ANK2: variants seen among roughly 807,000 people sequenced by gnomAD.
The protein encoded by ANK2 is ankyrin-2.
In ANK2, 83 loss-of-function variants were observed where a neutral mutation model predicts 360.5. The observed-to-expected ratio is 0.23, with a 90% confidence interval of 0.19 to 0.28. The LOEUF is 0.28. Ranked by LOEUF, ANK2 falls within the 10% of genes least tolerant of loss-of-function variation. The pLI is 1.00. For missense variants in ANK2, 4,201 were observed against 4,795.7 expected (o/e 0.88, Z 3.66); for synonymous variants, 1,740 against 1,759.5 (o/e 0.99, Z 0.28).
intron 24 of ANK2, among the ~76,000 whole-genome samples, chr4:113,315,794 G>A (rs1463842591): frequency 6.6e-6 from 1 of 151,576 alleles, no homozygotes; most frequent in Non-Finnish European, 1.5e-5. Context: ...AGCTACTCGG[G>A]AGGCTGAGGC....
At chr4:112,806,503 G>A in the ANK2 span, among the ~76,000 whole-genome samples, 1 of 152,156 alleles carries the variant, frequency 6.6e-6, no homozygotes, top group Non-Finnish European at 1.5e-5. Flanking sequence ...GAACAGTGCT[G>A]TAATAAACAT....
the ANK2 span, chr4:112,798,477 G>C: frequency 6.6e-6 from 1 of 152,056 alleles, no homozygotes; most frequent in African/African-American, 2.4e-5. Context: ...GTAGAGATGG[G>C]GTTTCTCCAT....
intron 1 of ANK2, among the ~76,000 whole-genome samples, chr4:113,120,783 C>G (rs1184018672): frequency 6.6e-6 from 1 of 151,988 alleles, no homozygotes. Flanking sequence ...CCAATAAGCC[C>G]CAGTGTGTTG....
At chr4:112,994,814 A>G (rs1042947549) in intron 2 of ANK2, among the ~76,000 whole-genome samples, 1 of 151,994 alleles carries the variant, frequency 6.6e-6, no homozygotes, top group Admixed American at 6.6e-5. Flanking sequence ...GTCCATGTGT[A>G]CCCAGTGTTT....
chr4:112,778,940 C>T, the ANK2 span, among the ~76,000 whole-genome samples: 1 of 152,204 alleles, frequency 6.6e-6, no homozygotes, highest in African/African-American at 2.4e-5. Flanking sequence ...GCTTAAACTA[C>T]CTATTCTTCA....
upstream of ANK2, among the ~76,000 whole-genome samples, chr4:112,816,919 G>T (rs1336957529): frequency 6.6e-6 from 1 of 152,192 alleles, no homozygotes; most frequent in Non-Finnish European, 1.5e-5. Context: ...GCTGAGGCAG[G>T]AGAATCACTT....
At chr4:112,758,970 G>A in the ANK2 span, among the ~76,000 whole-genome samples, 1 of 151,944 alleles carries the variant, frequency 6.6e-6, no homozygotes, top group African/African-American at 2.4e-5. Context: ...AAACCTTTTA[G>A]GACCTTTATA....
At chr4:113,259,025 G>GT (rs2051096190) in intron 13 of ANK2, among the ~76,000 whole-genome samples, 1 of 152,198 alleles carries the variant, frequency 6.6e-6, no homozygotes, top group Admixed American at 6.5e-5. Context: ...TGGAATGAAT[G>GT]TTGGTCTCCA....
intron 2 of ANK2, chr4:113,031,541 G>T (rs1475582049): frequency 6.6e-6 from 1 of 151,928 alleles, no homozygotes; most frequent in African/African-American, 2.4e-5. Context: ...TTAAAGTAAA[G>T]ATATTATTTC....
intron 2 of ANK2, among the ~76,000 whole-genome samples, chr4:113,015,677 G>A (rs966226048): frequency 2.0e-5 from 3 of 152,100 alleles, no homozygotes; most frequent in African/African-American, 7.2e-5. Flanking sequence ...TGTTACATAT[G>A]GTGCCATTTC....
At chr4:113,003,381 T>C (rs892599399) in intron 2 of ANK2, among the ~76,000 whole-genome samples, 1 of 151,912 alleles carries the variant, frequency 6.6e-6, no homozygotes, top group African/African-American at 2.4e-5. Context: ...TATAGATTTC[T>C]TTTTTTTGAA....
At chr4:113,154,561 A>C (rs1413705746) in intron 1 of ANK2, among the ~76,000 whole-genome samples, 1 of 152,224 alleles carries the variant, frequency 6.6e-6, no homozygotes, top group East Asian at 1.9e-4. Context: ...CCTCACTAAA[A>C]GTTCTTAATA....
intron 2 of ANK2, among the ~76,000 whole-genome samples, chr4:112,928,018 G>A (rs1168423681): frequency 6.6e-6 from 1 of 152,010 alleles, no homozygotes; most frequent in African/African-American, 2.4e-5. Context: ...CTAACATTCC[G>A]ATAGGTTCAT....
chr4:113,046,002 T>A (rs1228830538), upstream of ANK2, among the ~76,000 whole-genome samples: 1 of 152,180 alleles, frequency 6.6e-6, no homozygotes, highest in Non-Finnish European at 1.5e-5. Flanking sequence ...AAGATAGATA[T>A]TAATCCTGCC....
intron 1 of ANK2, among the ~76,000 whole-genome samples, chr4:112,877,490 C>T (rs928216938): frequency 2.0e-5 from 3 of 152,198 alleles, no homozygotes; most frequent in Non-Finnish European, 2.9e-5. Context: ...GCTGGGATTA[C>T]AGGCATGAGA....
intron 2 of ANK2, among the ~76,000 whole-genome samples, chr4:112,928,682 CAT>C (rs764376651): frequency 5.3e-5 from 8 of 152,168 alleles, no homozygotes; most frequent in Admixed American, 2.6e-4. Context: ...AAGACACACA[CAT>C]GTGTGTAAGA....
chr4:113,346,925 A>G (rs574736574), intron 35 of ANK2, among the ~76,000 whole-genome samples: 59 of 152,236 alleles, frequency 3.9e-4, no homozygotes, highest in Admixed American at 2.6e-4. Flanking sequence ...ATTCTTTTAA[A>G]TTTTTTTAAC....
intron 1 of ANK2, among the ~76,000 whole-genome samples, chr4:113,172,806 CAT>C (rs1181677824): frequency 6.6e-6 from 1 of 152,146 alleles, no homozygotes; most frequent in Non-Finnish European, 1.5e-5. Context: ...ATTAATATAA[CAT>C]AATACACAGT....
At chr4:113,023,449 C>G (rs1477671860) in intron 2 of ANK2, among the ~76,000 whole-genome samples, 2 of 152,168 alleles carry the variant, frequency 1.3e-5, no homozygotes, top group Non-Finnish European at 2.9e-5. Context: ...ACCCTTGGGT[C>G]CTTGGTGCAG....
Sources: allele counts gnomAD v4.1 joint callset (sites outside exome capture counted in the v4.1 genomes callset), GRCh38; gene constraint gnomAD v4.1.1; transcripts MANE v1.5; gene names NCBI Gene and HGNC (gene_info 2026-07-23, HGNC 2026-07-21).